C9orf72: variants seen among roughly 807,000 people sequenced by gnomAD.
C9orf72 encodes the protein C9orf72-SMCR8 complex subunit.
In C9orf72, 44 loss-of-function variants were observed where a neutral mutation model predicts 51.6. The ratio of observed to expected loss-of-function variants is 0.85; its 90% CI spans 0.67 to 1.10. The LOEUF (loss-of-function observed/expected upper bound fraction) is 1.10. C9orf72 is among the 50% of genes least tolerant of loss of function. C9orf72 has a pLI of 0.00. For synonymous variants in C9orf72, 213 were observed against 194.2 expected, an observed-to-expected ratio of 1.10 and a Z score of -0.81; for missense variants, 607 against 570.6, an observed-to-expected ratio of 1.06 and a Z score of -0.65.
intron 1 of C9orf72, among the ~76,000 whole-genome samples, chr9:27,569,119 C>G (rs1819533154): frequency 2.0e-5 from 3 of 151,726 alleles, no homozygotes; most frequent in African/African-American, 7.3e-5. Context: ...TAGAAAAAAG[C>G]TTCTAGAATA....
At chr9:27,569,798 A>C (rs1042534386) in intron 1 of C9orf72, among the ~76,000 whole-genome samples, 6 of 152,284 alleles carry the variant, frequency 3.9e-5, no homozygotes, top group African/African-American at 1.4e-4. Context: ...AAAGCAGCTA[A>C]TAGGCAAACT....
At chr9:27,548,454 A>AAAAAAAAAAAAAAAC in intron 10 of C9orf72, 32 bp from the exon 11 acceptor site, 1 of 1,409,908 alleles carries the variant, frequency 7.1e-7, no homozygotes, top group Non-Finnish European at 9.5e-7. Context: ...AAAAAAAAAA[A>AAAAAAAAAAAAAAAC]AAAAAAAGAA....
intron 3 of C9orf72, among the ~76,000 whole-genome samples, chr9:27,563,303 T>C (rs926536188): frequency 1.3e-5 from 2 of 152,196 alleles, no homozygotes; most frequent in Non-Finnish European, 2.9e-5. Context: ...ATTTGTAGTC[T>C]ATAGAATCAA....
intron 8 of C9orf72, among the ~76,000 whole-genome samples, chr9:27,552,498 G>A (rs1022041251): frequency 2.7e-5 from 4 of 147,308 alleles, no homozygotes; most frequent in African/African-American, 1.0e-4. Context: ...ATAGGTGCAT[G>A]TCACCATACC....
chr9:27,561,687 G>C (rs1395152879), intron 4 of C9orf72, 38 bp from the exon 5 acceptor site: 1 of 1,289,012 alleles, frequency 7.8e-7, no homozygotes, highest in Non-Finnish European at 1.1e-6. Flanking sequence ...TAGTCTGGCT[G>C]TAACATAGTG....
chr9:27,570,808 G>C (rs1819570126), intron 1 of C9orf72, among the ~76,000 whole-genome samples: 1 of 152,166 alleles, frequency 6.6e-6, no homozygotes, highest in South Asian at 2.1e-4. Flanking sequence ...GGCAGAGGTT[G>C]CAATGAGCTG....
At chr9:27,562,270 G>T (rs1587313727) in intron 4 of C9orf72, 111 bp downstream of exon 4, 1 of 412,702 alleles carries the variant, frequency 2.4e-6, no homozygotes, top group South Asian at 1.1e-4. Flanking sequence ...TATGTGAATA[G>T]TATGTATGAC....
intron 6 of C9orf72, 148 bp from the exon 7 acceptor site, chr9:27,558,755 G>T (rs1161906044): frequency 3.8e-6 from 2 of 522,654 alleles, no homozygotes; most frequent in South Asian, 5.2e-5. Context: ...TCCATGGGAT[G>T]TAACAGTTGT....
chr9:27,569,481 T>C (rs1819540229), intron 1 of C9orf72, among the ~76,000 whole-genome samples: 1 of 152,196 alleles, frequency 6.6e-6, no homozygotes, highest in Admixed American at 6.5e-5. Flanking sequence ...TATATTTAGA[T>C]AAATATTTAC....
chr9:27,570,460 A>C (rs1819560894), intron 1 of C9orf72, among the ~76,000 whole-genome samples: 1 of 152,250 alleles, frequency 6.6e-6, no homozygotes, highest in Admixed American at 6.5e-5. Context: ...ATTTCCTAAA[A>C]CAGAACTGAA....
chr9:27,549,300 T>C (rs1321127451), intron 9 of C9orf72, among the ~76,000 whole-genome samples: 2 of 152,228 alleles, frequency 1.3e-5, no homozygotes, highest in Admixed American at 6.5e-5. Flanking sequence ...TCAAATAACA[T>C]TGAAGCTCCT....
At chr9:27,558,897 T>C in intron 6 of C9orf72, 1 of 226,694 alleles carries the variant, frequency 4.4e-6, no homozygotes, top group Admixed American at 5.5e-5. Context: ...ATCTGCAGAC[T>C]TTCTCAGACT....
At chr9:27,549,840 C>T (rs991012146) in intron 9 of C9orf72, among the ~76,000 whole-genome samples, 4 of 150,006 alleles carry the variant, frequency 2.7e-5, no homozygotes, top group Non-Finnish European at 4.4e-5. Context: ...TGTTGTTTGA[C>T]GTATGGAATG....
chr9:27,548,546 G>T lies in C9orf72; in HGVS notation c.1259+11C>A. 6.5e-7 allele frequency: 1 copy of T among 1,545,104 alleles called. No homozygotes were observed. The highest frequency in any genetic ancestry group is 8.9e-7 in the Non-Finnish European group (1 of 1,119,762). ...ACAAAGGTTTTTCTTCCGTGTAGGA[G>T]TTTTACTCACGTATCGTCTTCTATA... On this transcript the variant is annotated intron_variant, in intron 10 of 10. Coordinates refer to ENST00000380003, the MANE Select transcript of C9orf72 (RefSeq NM_018325.5).
chr9:27,555,027 A>G (rs962690940), intron 8 of C9orf72, among the ~76,000 whole-genome samples: 2 of 152,170 alleles, frequency 1.3e-5, no homozygotes, highest in Non-Finnish European at 2.9e-5. Context: ...ATGGTTGCAA[A>G]CCCATTCTGC....
chr9:27,556,720 T>G lies in C9orf72; in HGVS notation c.932A>C (p.Asp311Ala). ...APYPTTHIDV[D>A]VNTVKQMPPC... ...TGGCATCTGCTTCACAGTATTGACA[T>G]CCACATCTATGTGTGTGGTGGGATA... Residue 311 changes from aspartate to alanine, a missense_variant, in exon 8 of 11, where the codon GAT (aspartate) becomes GCT (alanine). Transcript: ENST00000380003. 3 of 1,613,918 alleles carry G rather than the reference T, an allele frequency of 1.9e-6. No homozygotes were observed. The highest frequency in any genetic ancestry group is 2.5e-6 in the Non-Finnish European group (3 of 1,179,834).
At chr9:27,549,187 A>G (rs1820853065) in intron 9 of C9orf72, among the ~76,000 whole-genome samples, 1 of 152,210 alleles carries the variant, frequency 6.6e-6, no homozygotes, top group African/African-American at 2.4e-5. Context: ...TTAAAAATGC[A>G]TTCAAATTTT....
At chr9:27,550,565 A>G in intron 9 of C9orf72, 85 bp downstream of exon 9, 3 of 805,192 alleles carry the variant, frequency 3.7e-6, no homozygotes, top group Middle Eastern at 2.4e-4. Context: ...GGGAATATAA[A>G]TATATAGAAC....
chr9:27,556,823 G>T, intron 7 of C9orf72, 27 bp from the exon 8 acceptor site: 1 of 1,404,262 alleles, frequency 7.1e-7, no homozygotes, highest in Non-Finnish European at 1.0e-6. Flanking sequence ...AAAATTTACT[G>T]TCTTACATGC....
Sources: allele counts gnomAD v4.1 joint callset (sites outside exome capture counted in the v4.1 genomes callset), GRCh38; gene constraint gnomAD v4.1.1; transcripts MANE v1.5; gene names NCBI Gene and HGNC (gene_info 2026-07-23, HGNC 2026-07-21).